Variants in XYLT1 observed in about 807,000 individuals in gnomAD.
XYLT1 encodes beta-D-xylosyltransferase 1.
In XYLT1, 36 loss-of-function variants were observed where a neutral mutation model predicts 91.3. The ratio of observed to expected loss-of-function variants is 0.39; its 90% confidence interval spans 0.30 to 0.52. The LOEUF is 0.52. Among genes scored for constraint, XYLT1 ranks in the 20% least tolerant of loss-of-function variants. The pLI is 0.68. For synonymous variants in XYLT1, 588 were observed against 532.0 expected (o/e 1.11, Z -1.45); for missense variants, 1,242 against 1,284.5 (o/e 0.97, Z 0.51).
rs139194797 is a variant in XYLT1, at chr16:17,297,978, G to A, written c.403-38480C>T. Among the ~76,000 whole-genome samples the A allele has an allele frequency of 5.6e-3, 839 of 150,734 alleles. 13 individuals carry two copies. The highest frequency in any genetic ancestry group is 0.02 in the African/African-American group (805 of 40,936). On this transcript the variant is annotated intron_variant, in intron 2 of 11. Transcript: ENST00000261381. ...GGAGCTTGCAGTGAGCCGAGATCGC[G>A]CCACTGCACTCCAGCCTGGGCGACG...
chr16:17,385,040 G>A (rs1396911543), intron 1 of XYLT1, among the ~76,000 whole-genome samples: 1 of 151,760 alleles, frequency 6.6e-6, no homozygotes, highest in African/African-American at 2.4e-5. Flanking sequence ...TGACTGCAGA[G>A]TCCTTGAAGG....
At chr16:17,295,657 A>T (rs1195453413) in intron 2 of XYLT1, among the ~76,000 whole-genome samples, 2 of 152,184 alleles carry the variant, frequency 1.3e-5, no homozygotes, top group Admixed American at 6.5e-5. Context: ...CACCCGACCC[A>T]AGAGCTATAG....
intron 2 of XYLT1, among the ~76,000 whole-genome samples, chr16:17,331,119 C>A (rs1404614683): frequency 6.6e-6 from 1 of 152,236 alleles, no homozygotes; most frequent in Non-Finnish European, 1.5e-5. Context: ...GTCCCCACAG[C>A]CCCTTGGCTC....
At chr16:17,164,063 A>G (rs2031620985) in intron 5 of XYLT1, among the ~76,000 whole-genome samples, 1 of 146,414 alleles carries the variant, frequency 6.8e-6, no homozygotes, top group Admixed American at 6.7e-5. Context: ...AAAAAAAAAA[A>G]AAAAAAGAAA....
chr16:17,347,895 G>A (rs565832258), intron 2 of XYLT1, among the ~76,000 whole-genome samples: 1 of 152,318 alleles, frequency 6.6e-6, no homozygotes, highest in South Asian at 2.1e-4. Context: ...CTGAAGGGGA[G>A]GGAGTGGTGT....
At chr16:17,112,089 T>C (rs751721082) in intron 11 of XYLT1, among the ~76,000 whole-genome samples, 1 of 152,128 alleles carries the variant, frequency 6.6e-6, no homozygotes, top group African/African-American at 2.4e-5. Flanking sequence ...CTAACAAACC[T>C]GCGAACGCTG....
At chr16:17,182,675 C>T (rs1439144675) in intron 5 of XYLT1, among the ~76,000 whole-genome samples, 1 of 122,222 alleles carries the variant, frequency 8.2e-6, no homozygotes, top group East Asian at 2.4e-4. Flanking sequence ...TGCTTTGAAA[C>T]AATTAGGCAT....
chr16:17,332,132 G>A (rs1487785054), intron 2 of XYLT1, among the ~76,000 whole-genome samples: 1 of 152,222 alleles, frequency 6.6e-6, no homozygotes, highest in East Asian at 1.9e-4. Flanking sequence ...GGCCCTGCAT[G>A]GTGCACAGCA....
intron 3 of XYLT1, among the ~76,000 whole-genome samples, chr16:17,221,628 C>G (rs1016893262): frequency 6.6e-6 from 1 of 152,084 alleles, no homozygotes; most frequent in Non-Finnish European, 1.5e-5. Context: ...AGTCCCAGCT[C>G]TTCGGGAGGC....
At chr16:17,427,435 A>G (rs1276532763) in intron 1 of XYLT1, among the ~76,000 whole-genome samples, 2 of 152,160 alleles carry the variant, frequency 1.3e-5, no homozygotes, top group Non-Finnish European at 1.5e-5. Flanking sequence ...TGGGACTACA[A>G]GTGTGCACCG....
chr16:17,367,642 G>T (rs971922838), intron 1 of XYLT1, among the ~76,000 whole-genome samples: 1 of 152,202 alleles, frequency 6.6e-6, no homozygotes, highest in African/African-American at 2.4e-5. Context: ...ATCCAAAATC[G>T]TGAGTTCAAG....
At chr16:17,161,426 G>A (rs981262429) in intron 5 of XYLT1, among the ~76,000 whole-genome samples, 1 of 152,006 alleles carries the variant, frequency 6.6e-6, no homozygotes, top group Non-Finnish European at 1.5e-5. Flanking sequence ...GGGGCGGGGG[G>A]ACCCCTGCCT....
chr16:17,327,290 G>A (rs2034819797), intron 2 of XYLT1, among the ~76,000 whole-genome samples: 1 of 151,280 alleles, frequency 6.6e-6, no homozygotes, highest in Non-Finnish European at 1.5e-5. Context: ...TAAAACACCT[G>A]TCAACAAAAA....
chr16:17,385,230 C>T (rs1411554320), intron 1 of XYLT1, among the ~76,000 whole-genome samples: 1 of 150,694 alleles, frequency 6.6e-6, no homozygotes, highest in Non-Finnish European at 1.5e-5. Flanking sequence ...TAGAGGCCCC[C>T]GCTGCCTGCC....
chr16:17,187,211 G>A (rs1328787105), intron 5 of XYLT1, among the ~76,000 whole-genome samples: 2 of 151,668 alleles, frequency 1.3e-5, no homozygotes, highest in African/African-American at 4.8e-5. Flanking sequence ...GGCCAACAAG[G>A]CAAAACCCTG....
chr16:17,165,722 T>C (rs1433499898), intron 5 of XYLT1, among the ~76,000 whole-genome samples: 3 of 152,132 alleles, frequency 2.0e-5, no homozygotes, highest in Admixed American at 1.3e-4. Context: ...AGAATGGGCA[T>C]AGCCAATGCC....
intron 1 of XYLT1, among the ~76,000 whole-genome samples, chr16:17,388,201 A>C (rs2035770822): frequency 6.6e-6 from 1 of 152,236 alleles, no homozygotes; most frequent in African/African-American, 2.4e-5. Flanking sequence ...CATTTTGCAG[A>C]CATGACAGGA....
At chr16:17,167,857 C>A (rs941687196) in intron 5 of XYLT1, among the ~76,000 whole-genome samples, 1 of 152,216 alleles carries the variant, frequency 6.6e-6, no homozygotes, top group Non-Finnish European at 1.5e-5. Context: ...TGCATGGATT[C>A]TAACCCATCC....
chr16:17,209,673 C>G (rs757688050), intron 3 of XYLT1, among the ~76,000 whole-genome samples: 27 of 152,202 alleles, frequency 1.8e-4, no homozygotes, highest in Non-Finnish European at 3.2e-4. Flanking sequence ...CCTCTCATGC[C>G]TCAGTTTCCT....
Sources: allele counts gnomAD v4.1 joint callset (sites outside exome capture counted in the v4.1 genomes callset), GRCh38; gene constraint gnomAD v4.1.1; transcripts MANE v1.5; gene names NCBI Gene and HGNC (gene_info 2026-07-23, HGNC 2026-07-21).